NF1: variants seen among roughly 807,000 people sequenced by gnomAD.
The protein encoded by NF1 is neurofibromin.
Under a neutral mutation model 325.7 loss-of-function variants are expected in NF1, and 122 were observed. The ratio of observed to expected loss-of-function variants is 0.37; its 90% confidence interval spans 0.32 to 0.44. The LOEUF (loss-of-function observed/expected upper bound fraction) is 0.44. Ranked by LOEUF, NF1 falls within the 20% of genes least tolerant of loss-of-function variation. NF1 has a pLI of 1.00. For synonymous variants in NF1, 1,091 were observed against 1,186.0 expected (o/e 0.92, Z 1.65); for missense variants, 2,140 against 3,415.4 (o/e 0.63, Z 9.31).
intron 30 of NF1, chr17:31,250,815 T>C (rs1279856763): frequency 1.1e-5 from 2 of 187,460 alleles, no homozygotes; most frequent in South Asian, 1.9e-4. Context: ...TATTAAACAG[T>C]ATGTTATGCT....
chr17:31,242,820 A>G (rs953131008), intron 29 of NF1, among the ~76,000 whole-genome samples: 5 of 152,114 alleles, frequency 3.3e-5, no homozygotes, highest in African/African-American at 1.2e-4. Context: ...TCGGTGGGTC[A>G]TGTTTTTCTG....
At chr17:31,108,257 A>G (rs1259115181) in intron 1 of NF1, among the ~76,000 whole-genome samples, 1 of 142,288 alleles carries the variant, frequency 7.0e-6, no homozygotes, top group Non-Finnish European at 1.5e-5. Flanking sequence ...ACATAAAAGT[A>G]GAGAGTTTTT....
chr17:31,175,065 G>A (rs1247362143), intron 5 of NF1, among the ~76,000 whole-genome samples: 12 of 119,578 alleles, frequency 1.0e-4, no homozygotes, highest in African/African-American at 3.8e-4. Flanking sequence ...CCAAAATTGT[G>A]CCATTGCACT....
At chr17:31,188,879 G>A (rs2066288423) in intron 8 of NF1, among the ~76,000 whole-genome samples, 1 of 152,192 alleles carries the variant, frequency 6.6e-6, no homozygotes, top group Non-Finnish European at 1.5e-5. Flanking sequence ...TTGGAACTTG[G>A]ACTGGCTCTC....
chr17:31,372,079 T>C (rs957190133), intron 57 of NF1, among the ~76,000 whole-genome samples: 4 of 152,236 alleles, frequency 2.6e-5, no homozygotes, highest in African/African-American at 7.2e-5. Flanking sequence ...ACTTGAAATA[T>C]TACTTTTTGT....
chr17:31,347,025 T>TG (rs934295036), intron 48 of NF1, among the ~76,000 whole-genome samples: 7 of 149,922 alleles, frequency 4.7e-5, no homozygotes, highest in Non-Finnish European at 1.5e-5. Flanking sequence ...TCTTTTATTG[T>TG]GAAAAAAAAA....
intron 1 of NF1, 84 bp from the exon 2 acceptor site, chr17:31,155,899 C>G (rs1020325168): frequency 3.5e-5 from 53 of 1,505,966 alleles, no homozygotes; most frequent in Non-Finnish European, 4.6e-5. Context: ...CCTAAAACGT[C>G]ATGATTTTCA....
intron 35 of NF1, 48 bp from the exon 36 acceptor site, chr17:31,265,177 TACTC>T (rs1477697621): frequency 1.1e-5 from 13 of 1,214,714 alleles, no homozygotes; most frequent in East Asian, 2.3e-5. Flanking sequence ...CTTTTTTACA[TACTC>T]AGTAGACAAC....
At chr17:31,248,857 TAAAGA>T in intron 29 of NF1, 122 bp from the exon 30 acceptor site, 1 of 867,344 alleles carries the variant, frequency 1.2e-6, no homozygotes, top group Non-Finnish European at 1.8e-6. Flanking sequence ...GTTGGTTGTT[TAAAGA>T]TTCCAATGAA....
At chr17:31,221,621 C>T (rs1373828820) in intron 14 of NF1, among the ~76,000 whole-genome samples, 1 of 151,930 alleles carries the variant, frequency 6.6e-6, no homozygotes, top group Admixed American at 6.6e-5. Context: ...ATGTACATGC[C>T]AGTTAGAGTC....
intron 1 of NF1, among the ~76,000 whole-genome samples, chr17:31,100,774 A>G (rs1349556433): frequency 6.6e-6 from 1 of 152,072 alleles, no homozygotes; most frequent in East Asian, 1.9e-4. Context: ...TCACCGTGCT[A>G]GCCAGGATGG....
intron 36 of NF1, among the ~76,000 whole-genome samples, chr17:31,298,236 G>C (rs2068505767): frequency 6.6e-6 from 1 of 152,104 alleles, no homozygotes; most frequent in Admixed American, 6.5e-5. Flanking sequence ...TATAAAGTGA[G>C]ATCAGATTTA....
chr17:31,318,804 A>G, intron 36 of NF1: 1 of 1,614,000 alleles, frequency 6.2e-7, no homozygotes. Flanking sequence ...AATTACCTTT[A>G]TAATCTACTT....
In NF1 at chr17:31,106,974, A is replaced by G. The variant is rs537439811; in HGVS notation, c.60+11605A>G. Among the ~76,000 whole-genome samples the G allele has an allele frequency of 2.3e-4, 35 of 152,286 alleles. 1 individual carries two copies. In the South Asian group the frequency reaches 5.8e-3, roughly 25 times the overall value. On this transcript the variant is annotated intron_variant, in intron 1 of 57. Transcript: ENST00000358273. Reference sequence around the variant, plus strand: ...AGAACATTTTACTTAGAGTTTGATTACATTTGAGGCAAACTTTTCAACTTT... The same window carrying G: ...AGAACATTTTACTTAGAGTTTGATTGCATTTGAGGCAAACTTTTCAACTTT...
chr17:31,182,555 A>T lies in NF1; in HGVS notation c.778A>T (p.Thr260Ser). 6.2e-7 allele frequency: 1 copy of T among 1,614,116 alleles called. No individual in the cohort carries two copies. Among genetic ancestry groups the T allele is most frequent in the South Asian group, 1.1e-5 (1 of 91,072 alleles). ...FDLVDGFAES[T>S]KRKAAVWPLQ... ...CTTGGTGGATGGTTTTGCTGAAAGC[A>T]CCAAACGTAAAGCAGCAGTTTGGCC... is the stretch of plus-strand genomic sequence containing the variant. The change falls in exon 8 of 58, where the codon ACC becomes TCC. Residue 260 changes from threonine to serine, a missense_variant. Physicochemically the swap from Thr to Ser is moderately conservative, Grantham distance 58. Around this residue, in one of 10 missense-constraint regions of NF1, gnomAD observed 246 missense variants for 347.8 expected, o/e 0.71. Coordinates refer to ENST00000358273, the MANE Select transcript of NF1 (RefSeq NM_001042492.3).
rs1051842 is a variant in NF1 at position 31,233,054 on chromosome 17, G to C, written c.3549G>C (p.Leu1183=). 1 of 1,614,170 alleles carries C rather than the reference G, an allele frequency of 6.2e-7. No homozygotes were observed. ...LQTRATFMEV[L]TKILQQGTEF... ...CAAGAGCTACATTTATGGAAGTTCTGACAAAAATCCTTCAACAAGGCACAG... is the reference window on the plus strand; with the variant it reads ...CAAGAGCTACATTTATGGAAGTTCTCACAAAAATCCTTCAACAAGGCACAG... Residue 1183 remains leucine (L), a synonymous_variant, in exon 27 of 58, where the codon CTG becomes CTC. Transcript: ENST00000358273.
At chr17:31,320,768 ATAT>A (rs2151530552) in intron 36 of NF1, among the ~76,000 whole-genome samples, 1 of 152,296 alleles carries the variant, frequency 6.6e-6, no homozygotes, top group East Asian at 1.9e-4. Context: ...AAATCTTTGG[ATAT>A]TTCATGATTC....
At chr17:31,342,962 A>G (rs1273278921) in intron 47 of NF1, 47 bp from the exon 48 acceptor site, 3 of 1,611,674 alleles carry the variant, frequency 1.9e-6, no homozygotes. Flanking sequence ...CTTTAAAGAA[A>G]GCTACTGTGT....
chr17:31,163,876 C>A (rs2065803742), intron 4 of NF1, among the ~76,000 whole-genome samples: 1 of 151,798 alleles, frequency 6.6e-6, no homozygotes, highest in East Asian at 1.9e-4. Context: ...TTTTAGGTTA[C>A]CAAAAAACAA....
Sources: allele counts gnomAD v4.1 joint callset (sites outside exome capture counted in the v4.1 genomes callset), GRCh38; gene constraint gnomAD v4.1.1; regional missense constraint gnomAD v4.1.1; transcripts MANE v1.5; gene names NCBI Gene and HGNC (gene_info 2026-07-23, HGNC 2026-07-21).